PPP3CA: variants seen among roughly 807,000 people sequenced by gnomAD.
PPP3CA encodes the protein protein phosphatase 3 catalytic subunit alpha.
Under a neutral mutation model 66.5 loss-of-function variants are expected in PPP3CA, and 14 were observed. The observed-to-expected ratio is 0.21, with a 90% CI of 0.14 to 0.33. PPP3CA has a LOEUF of 0.33. Ranked by LOEUF, PPP3CA falls within the 10% of genes least tolerant of loss-of-function variation. The pLI, the probability that PPP3CA is intolerant of heterozygous loss-of-function variation, is 1.00. For synonymous variants in PPP3CA, 232 were observed against 226.2 expected, an observed-to-expected ratio of 1.03 and a Z score of -0.23; for missense variants, 317 against 639.5, an observed-to-expected ratio of 0.50 and a Z score of 5.44.
rs1033778784 is a variant in PPP3CA at position 101,093,812 on chromosome 4, G to C, written c.746C>G (p.Thr249Ser). ...FGNEKTQEHF[T>S]HNTVRGCSYF... ...TGAACACCCCCTGACTGTGTTGTGA[G>C]TGAAATGTTCCTGAGTCTTCTCATT... The change falls in exon 6 of 14, where the codon ACT (threonine) becomes AGT (serine). Residue 249 changes from threonine (T) to serine (S), a missense_variant. Thr to Ser is a moderately conservative substitution (Grantham distance 58). This residue lies in a region of PPP3CA where 201 missense variants were observed against 501.4 expected (regional missense o/e 0.40). Coordinates refer to ENST00000394854, the MANE Select transcript of PPP3CA (RefSeq NM_000944.5). 1 of 1,613,194 alleles carries C rather than the reference G, an allele frequency of 6.2e-7. No individual in the cohort carries two copies. Among genetic ancestry groups the C allele is most frequent in the African/African-American group, 1.3e-5 (1 of 74,896 alleles).
At chr4:101,093,995 T>G (rs566888961) in intron 5 of PPP3CA, 80 bp from the exon 6 acceptor site, 8 of 1,323,588 alleles carry the variant, frequency 6.0e-6, no homozygotes, top group Admixed American at 2.5e-5. Flanking sequence ...ACAAGCACTG[T>G]GCAGAACCCA....
intron 1 of PPP3CA, among the ~76,000 whole-genome samples, chr4:101,205,461 C>T (rs560881257): frequency 1.5e-4 from 23 of 152,256 alleles, no homozygotes; most frequent in African/African-American, 5.3e-4. Context: ...AACTACTCGA[C>T]AGAAGTTCTT....
rs534396301 is a variant in PPP3CA at position 101,275,521 on chromosome 4, A to G, written c.58+71218T>C. Among the ~76,000 whole-genome samples the G allele has an allele frequency of 9.8e-5, 15 of 152,366 alleles. No individual in the cohort carries two copies. In the South Asian group the frequency reaches 3.1e-3, roughly 32 times the overall value. ...TAGGAAAATCATACTACTACCGAGC[A>G]GAAATCATTCCAATTATTTTCAAAT... On this transcript the variant is annotated intron_variant, in intron 1 of 13. Transcript: ENST00000394854.
At chr4:101,237,446 C>T (rs1726164981) in intron 1 of PPP3CA, among the ~76,000 whole-genome samples, 2 of 151,926 alleles carry the variant, frequency 1.3e-5, no homozygotes, top group South Asian at 4.1e-4. Context: ...ATATTATACA[C>T]GATCAACTTA....
chr4:101,301,906 G>A (rs928439844), intron 1 of PPP3CA, among the ~76,000 whole-genome samples: 69 of 150,520 alleles, frequency 4.6e-4, no homozygotes, highest in African/African-American at 1.6e-3. Context: ...ATGCAAATAA[G>A]TAAATATTAT....
At position 101,073,279 on chromosome 4, in the gene PPP3CA, CT is replaced by C. The variant is rs749407027; in HGVS notation, c.955+7252del. 8.4e-3 allele frequency among the ~76,000 whole-genome samples: 1,126 copies of C among 134,750 alleles called. 3 individuals are homozygous for C. Among genetic ancestry groups the C allele is most frequent in the Non-Finnish European group, 9.5e-3 (590 of 61,960 alleles). 88.4% of individuals were successfully genotyped at this position (134,750 alleles called of 152,430 possible). On this transcript the variant is annotated intron_variant, in intron 8 of 13. Coordinates refer to ENST00000394854, the MANE Select transcript of PPP3CA (RefSeq NM_000944.5). ...TATAGTGTATATACACACTTACATA[CT>C]TTTTTTTTTTTTTTTAGATGGAGTC... is the stretch of plus-strand genomic sequence containing the variant.
intron 2 of PPP3CA, among the ~76,000 whole-genome samples, chr4:101,175,831 G>C (rs942562670): frequency 6.6e-6 from 1 of 152,140 alleles, no homozygotes; most frequent in African/African-American, 2.4e-5. Context: ...TAAATACAAT[G>C]ATTTTGATTC....
chr4:101,147,354 T>C (rs1410952453), intron 2 of PPP3CA, among the ~76,000 whole-genome samples: 1 of 152,208 alleles, frequency 6.6e-6, no homozygotes, highest in Non-Finnish European at 1.5e-5. Context: ...TAAAATAAAT[T>C]AGAAGACTCA....
In PPP3CA at chr4:101,106,418, AAAG is replaced by A. The variant is rs1332027820; in HGVS notation, c.384+2533_384+2535del. On this transcript the variant is annotated intron_variant, in intron 3 of 13. Coordinates refer to ENST00000394854, the MANE Select transcript of PPP3CA (RefSeq NM_000944.5). Reference sequence around the variant, plus strand: ...GAAAGAAAGAAAGAAAGAAAGAAAGAAAGAAAGAAAGAAAGAAAGAAAGAAAGA... The same window carrying A: ...GAAAGAAAGAAAGAAAGAAAGAAAGAAAAGAAAGAAAGAAAGAAAGAAAGA... Among the ~76,000 whole-genome samples the A allele has an allele frequency of 1.0e-3, 12 of 11,880 alleles. 2 individuals carry two copies. Among genetic ancestry groups the A allele is most frequent in the African/African-American group, 3.4e-3 (12 of 3,548 alleles). 7.8% of individuals were successfully genotyped at this position (11,880 alleles called of 152,430 possible). A position where few individuals can be genotyped will look rare whatever the true frequency, so the allele number is the denominator to read the frequency against.
At chr4:101,141,971 T>C (rs1722822060) in intron 2 of PPP3CA, among the ~76,000 whole-genome samples, 1 of 151,678 alleles carries the variant, frequency 6.6e-6, no homozygotes, top group South Asian at 2.1e-4. Context: ...AAACTTAACA[T>C]TAGCATGTCA....
At chr4:101,032,620 T>C (rs942772366) in intron 11 of PPP3CA, among the ~76,000 whole-genome samples, 5 of 152,158 alleles carry the variant, frequency 3.3e-5, no homozygotes, top group African/African-American at 1.2e-4. Context: ...GTATCGAAGC[T>C]AGATAGATAA....
intron 2 of PPP3CA, among the ~76,000 whole-genome samples, chr4:101,184,957 C>A (rs1049879918): frequency 6.6e-6 from 1 of 152,034 alleles, no homozygotes; most frequent in Non-Finnish European, 1.5e-5. Context: ...CACAGAAATG[C>A]AAGAAGGAGC....
intron 6 of PPP3CA, among the ~76,000 whole-genome samples, chr4:101,093,382 T>C (rs1026522439): frequency 1.3e-5 from 2 of 151,702 alleles, no homozygotes; most frequent in Non-Finnish European, 2.9e-5. Flanking sequence ...AATGAAGTAT[T>C]TTCTGATTAA....
At chr4:101,049,795 G>C (rs931668341) in intron 10 of PPP3CA, among the ~76,000 whole-genome samples, 4 of 152,048 alleles carry the variant, frequency 2.6e-5, no homozygotes, top group Admixed American at 2.6e-4. Flanking sequence ...ACATTTGATT[G>C]TCTCATATGT....
intron 1 of PPP3CA, among the ~76,000 whole-genome samples, chr4:101,290,917 G>A (rs937736289): frequency 6.6e-6 from 1 of 152,180 alleles, no homozygotes; most frequent in African/African-American, 2.4e-5. Flanking sequence ...TCATTCAGAC[G>A]CAAGAGACAT....
intron 6 of PPP3CA, among the ~76,000 whole-genome samples, chr4:101,084,908 C>T (rs1207317899): frequency 6.6e-6 from 1 of 152,178 alleles, no homozygotes; most frequent in African/African-American, 2.4e-5. Flanking sequence ...GGCCCAGTCT[C>T]TGCATGGAAA....
At chr4:101,322,690 G>A (rs1028062178) in intron 1 of PPP3CA, among the ~76,000 whole-genome samples, 5 of 152,252 alleles carry the variant, frequency 3.3e-5, no homozygotes, top group East Asian at 1.9e-4. Context: ...GATTAAAGAC[G>A]TGAGCCAACT....
At position 101,040,476 on chromosome 4, in the gene PPP3CA, A is replaced by AC; in HGVS notation, c.1241+5dup. 6.3e-7 allele frequency: 1 copy of AC among 1,591,374 alleles called. No individual in the cohort carries two copies. The highest frequency in any genetic ancestry group is 8.6e-7 in the Non-Finnish European group (1 of 1,168,476). On this transcript the variant is annotated splice_donor_region_variant and intron_variant, in intron 11 of 13. Transcript: ENST00000394854. ...TGAAACAAAAACAGAGTACGAATGCACCCACCTGAGCACTGAGAACACTCT... is the reference window on the plus strand; with the variant it reads ...TGAAACAAAAACAGAGTACGAATGCACCCCACCTGAGCACTGAGAACACTCT...
At chr4:101,100,098 GAAGA>G (rs1481140037) in intron 3 of PPP3CA, among the ~76,000 whole-genome samples, 1 of 151,988 alleles carries the variant, frequency 6.6e-6, no homozygotes, top group African/African-American at 2.4e-5. Flanking sequence ...AAAAAGATGA[GAAGA>G]AATACTGCTA....
Sources: allele counts gnomAD v4.1 joint callset (sites outside exome capture counted in the v4.1 genomes callset), GRCh38; gene constraint gnomAD v4.1.1; regional missense constraint gnomAD v4.1.1; transcripts MANE v1.5; gene names NCBI Gene and HGNC (gene_info 2026-07-23, HGNC 2026-07-21).